The following MTDH variants were observed in gnomAD, a reference collection of about 807,000 sequenced individuals.
MTDH encodes metadherin, also known as protein LYRIC.
A neutral mutation model predicts 72.7 loss-of-function variants in MTDH; 34 were observed. That is an observed-to-expected ratio of 0.47 (90% confidence interval 0.36 to 0.62). The LOEUF (loss-of-function observed/expected upper bound fraction) is 0.62, where lower values mean the gene tolerates loss of function less well. Ranked by LOEUF, MTDH falls within the 20% of genes least tolerant of loss-of-function variation. The pLI, the probability that MTDH is intolerant of heterozygous loss-of-function variation, is 0.00. For missense variants in MTDH, 677 were observed against 699.4 expected (o/e 0.97, Z 0.36); for synonymous variants, 266 against 268.9 (o/e 0.99, Z 0.10).
intron 1 of MTDH, among the ~76,000 whole-genome samples, chr8:97,657,013 A>C (rs1296746702): frequency 1.3e-5 from 2 of 152,024 alleles, no homozygotes; most frequent in African/African-American, 4.8e-5. Flanking sequence ...AATTGTATGA[A>C]ATTAATAAAT....
intron 6 of MTDH, 66 bp downstream of exon 6, chr8:97,691,254 A>C (rs1037172100): frequency 9.3e-6 from 11 of 1,176,732 alleles, no homozygotes; most frequent in Non-Finnish European, 1.3e-5. Context: ...TTAATTTTTC[A>C]GAAATAGAAA....
intron 9 of MTDH, among the ~76,000 whole-genome samples, chr8:97,715,520 A>G (rs1292056051): frequency 6.6e-6 from 1 of 152,360 alleles, no homozygotes; most frequent in African/African-American, 2.4e-5. Context: ...ACCCTCATAA[A>G]TGATACAAGC....
intron 10 of MTDH, 40 bp from the exon 11 acceptor site, chr8:97,722,839 A>T (rs370951240): frequency 1.9e-6 from 3 of 1,569,014 alleles, no homozygotes; most frequent in Non-Finnish European, 2.6e-6. Flanking sequence ...TTATTTGAAA[A>T]TTTCACCAAA....
At chr8:97,685,415 G>A (rs1813320016) in intron 2 of MTDH, among the ~76,000 whole-genome samples, 1 of 151,968 alleles carries the variant, frequency 6.6e-6, no homozygotes, top group Admixed American at 6.6e-5. Context: ...CATGTCACTT[G>A]AGCATATATG....
chr8:97,686,080 A>G (rs1373285139), intron 2 of MTDH, among the ~76,000 whole-genome samples: 1 of 152,212 alleles, frequency 6.6e-6, no homozygotes, highest in African/African-American at 2.4e-5. Context: ...GAAACTGACA[A>G]AATATTACCT....
intron 1 of MTDH, among the ~76,000 whole-genome samples, chr8:97,647,378 A>G (rs1393239415): frequency 6.6e-6 from 1 of 152,198 alleles, no homozygotes; most frequent in Non-Finnish European, 1.5e-5. Flanking sequence ...CCTGGGCAAT[A>G]TAGTGAGACC....
At chr8:97,676,611 G>C (rs558851192) in intron 2 of MTDH, among the ~76,000 whole-genome samples, 1 of 152,268 alleles carries the variant, frequency 6.6e-6, no homozygotes, top group African/African-American at 2.4e-5. Flanking sequence ...GCTGACGCCT[G>C]CAATCCCAGC....
chr8:97,707,467 T>TC (rs1814408549), intron 8 of MTDH, among the ~76,000 whole-genome samples: 2 of 141,910 alleles, frequency 1.4e-5, no homozygotes, highest in East Asian at 2.0e-4. Context: ...TTTTTTTTTT[T>TC]TTTTTTGAGA....
At chr8:97,706,199 A>G (rs1461064459) in intron 7 of MTDH, among the ~76,000 whole-genome samples, 1 of 152,208 alleles carries the variant, frequency 6.6e-6, no homozygotes, top group Non-Finnish European at 1.5e-5. Context: ...GTATAAAATG[A>G]CAGGTAGGGA....
chr8:97,671,590 A>G (rs968941842), intron 2 of MTDH, among the ~76,000 whole-genome samples: 2 of 152,148 alleles, frequency 1.3e-5, no homozygotes, highest in African/African-American at 4.8e-5. Context: ...GGCCAGGCAC[A>G]GTGGCTCAGA....
chr8:97,716,119 G>A (rs557697771), intron 9 of MTDH, among the ~76,000 whole-genome samples: 12 of 152,350 alleles, frequency 7.9e-5, no homozygotes, highest in Admixed American at 7.2e-4. Flanking sequence ...GGGCGCGGTG[G>A]CTCACGCCTA....
At chr8:97,722,006 T>C (rs931772601) in intron 10 of MTDH, among the ~76,000 whole-genome samples, 5 of 152,226 alleles carry the variant, frequency 3.3e-5, no homozygotes, top group African/African-American at 1.2e-4. Flanking sequence ...TGTCATCTAC[T>C]GGTAGTTCAG....
chr8:97,697,381 G>GTTTT (rs755015450), intron 6 of MTDH, among the ~76,000 whole-genome samples: 22 of 80,178 alleles, frequency 2.7e-4, no homozygotes, highest in South Asian at 5.0e-4. Flanking sequence ...TATTATTTCG[G>GTTTT]TTTTTTTTTT....
At chr8:97,691,456 C>G (rs1813605285) in intron 6 of MTDH, among the ~76,000 whole-genome samples, 1 of 152,044 alleles carries the variant, frequency 6.6e-6, no homozygotes, top group Non-Finnish European at 1.5e-5. Context: ...ATTATATATT[C>G]TTAGTGATGT....
Position 97,644,224 on chromosome 8 carries a change from G to A in MTDH, c.-283G>A, listed in dbSNP as rs374568195. 2 of 468,994 alleles carry A rather than the reference G, an allele frequency of 4.3e-6. No individual in the cohort carries two copies. 29.1% of individuals were successfully genotyped at this position (468,994 alleles called of 1,614,324 possible). ...CGCCGAGGGAGGACAGCGGGGCCTG[G>A]CGCTGGCGCCGAGACGCCGCTTAGC... On this transcript the variant is annotated 5_prime_UTR_variant, in exon 1 of 12. Transcript: ENST00000336273.
At chr8:97,659,632 C>A (rs1275859146) in intron 1 of MTDH, among the ~76,000 whole-genome samples, 1 of 152,120 alleles carries the variant, frequency 6.6e-6, no homozygotes, top group Non-Finnish European at 1.5e-5. Context: ...GTATTGTTTT[C>A]TTGAGTATAG....
chr8:97,675,514 C>T (rs1490094289), intron 2 of MTDH, among the ~76,000 whole-genome samples: 1 of 146,262 alleles, frequency 6.8e-6, no homozygotes, highest in Non-Finnish European at 1.5e-5. Context: ...GAGACGAGAT[C>T]GTGCCACTGC....
At chr8:97,657,657 C>G (rs894556349) in intron 1 of MTDH, among the ~76,000 whole-genome samples, 2 of 152,028 alleles carry the variant, frequency 1.3e-5, no homozygotes, top group African/African-American at 4.8e-5. Flanking sequence ...GGGCATGCCA[C>G]CACACCCGGC....
intron 6 of MTDH, among the ~76,000 whole-genome samples, chr8:97,692,997 G>T (rs937680707): frequency 6.6e-6 from 1 of 152,128 alleles, no homozygotes; most frequent in Non-Finnish European, 1.5e-5. Flanking sequence ...CTCCCAAAGT[G>T]CTGGGATTAC....
Sources: gnomAD v4.1 joint callset for allele counts (sites outside exome capture counted in the v4.1 genomes callset) on GRCh38, gnomAD v4.1.1 for gene constraint, MANE v1.5 for transcripts, NCBI Gene and HGNC (gene_info 2026-07-23, HGNC 2026-07-21) for gene names.